The following CSMD1 variants were observed in gnomAD, a reference collection of about 807,000 sequenced individuals.
CSMD1 encodes the protein CUB and Sushi multiple domains 1.
Under a neutral mutation model 417.5 loss-of-function variants are expected in CSMD1, and 213 were observed. The ratio of observed to expected loss-of-function variants is 0.51; its 90% CI spans 0.46 to 0.57. CSMD1 has a LOEUF of 0.57. Among genes scored for constraint, CSMD1 ranks in the 20% least tolerant of loss-of-function variants. The probability of loss-of-function intolerance (pLI) is 0.00; values close to 1 mark genes in which losing one functional copy is unlikely to be tolerated. For missense variants in CSMD1, 6,923 were observed against 4,529.7 expected (o/e 1.53, Z -15.17); for synonymous variants, 2,862 against 1,736.8 (o/e 1.65, Z -16.11).
At chr8:3,632,455 A>G (rs779782876) in intron 7 of CSMD1, among the ~76,000 whole-genome samples, 7 of 152,126 alleles carry the variant, frequency 4.6e-5, no homozygotes, top group Non-Finnish European at 8.8e-5. Flanking sequence ...AAAAACACCA[A>G]AAGTGCCTAC....
intron 7 of CSMD1, among the ~76,000 whole-genome samples, chr8:3,687,047 T>C (rs1799977423): frequency 6.6e-6 from 1 of 152,102 alleles, no homozygotes; most frequent in Non-Finnish European, 1.5e-5. Flanking sequence ...TGTAAAAAAA[T>C]TATGAGGATG....
At chr8:3,428,509 G>T (rs537586510) in intron 12 of CSMD1, among the ~76,000 whole-genome samples, 1 of 151,854 alleles carries the variant, frequency 6.6e-6, no homozygotes, top group Admixed American at 6.6e-5. Flanking sequence ...AAAATGATGG[G>T]GAAAAAAAAG....
chr8:3,579,661 C>G (rs1326499216), intron 9 of CSMD1, among the ~76,000 whole-genome samples: 2 of 152,140 alleles, frequency 1.3e-5, no homozygotes, highest in Non-Finnish European at 1.5e-5. Flanking sequence ...TGGTTCCAGG[C>G]CTGGCTTAGG....
chr8:3,490,719 T>G (rs1299214990), intron 11 of CSMD1, among the ~76,000 whole-genome samples: 1 of 152,138 alleles, frequency 6.6e-6, no homozygotes. Flanking sequence ...ATCTTTGACT[T>G]GCAGGCCCCT....
At chr8:4,173,895 T>C (rs1797898809) in intron 3 of CSMD1, among the ~76,000 whole-genome samples, 1 of 152,160 alleles carries the variant, frequency 6.6e-6, no homozygotes, top group African/African-American at 2.4e-5. Flanking sequence ...GCTGAAGTTC[T>C]GGGCTCAGTA....
chr8:3,642,811 C>A (rs1230904077), intron 7 of CSMD1, among the ~76,000 whole-genome samples: 1 of 151,550 alleles, frequency 6.6e-6, no homozygotes, highest in African/African-American at 2.4e-5. Flanking sequence ...AGTAGAACCC[C>A]CAGAGATGAA....
intron 10 of CSMD1, among the ~76,000 whole-genome samples, chr8:3,501,474 G>C (rs1796598009): frequency 6.6e-6 from 1 of 152,140 alleles, no homozygotes; most frequent in Non-Finnish European, 1.5e-5. Flanking sequence ...ATTTAGAACT[G>C]ACAGCACAAT....
intron 2 of CSMD1, among the ~76,000 whole-genome samples, chr8:4,514,455 T>C (rs1178273351): frequency 6.6e-6 from 1 of 152,298 alleles, no homozygotes; most frequent in East Asian, 1.9e-4. Flanking sequence ...ATATGCATTT[T>C]TAAGTAGCAT....
At chr8:4,271,497 G>A (rs978411703) in intron 3 of CSMD1, among the ~76,000 whole-genome samples, 2 of 151,596 alleles carry the variant, frequency 1.3e-5, no homozygotes, top group African/African-American at 2.4e-5. Context: ...AGAAAAAACT[G>A]CATCAAAATC....
intron 25 of CSMD1, among the ~76,000 whole-genome samples, chr8:3,297,231 T>C (rs879617133): frequency 6.6e-6 from 1 of 152,194 alleles, no homozygotes; most frequent in Non-Finnish European, 1.5e-5. Flanking sequence ...TTCAGTATTA[T>C]AAAAGATGTC....
chr8:4,323,609 G>A (rs1197598973), intron 3 of CSMD1, among the ~76,000 whole-genome samples: 2 of 152,140 alleles, frequency 1.3e-5, no homozygotes, highest in Admixed American at 6.5e-5. Flanking sequence ...AAAGTCAACA[G>A]TGCGACAGAA....
intron 3 of CSMD1, 106 bp downstream of exon 3, chr8:4,419,847 A>T: frequency 1.3e-6 from 1 of 765,728 alleles, no homozygotes; most frequent in Non-Finnish European, 2.2e-6. Context: ...TACACCACGG[A>T]ACGACCTGCG....
chr8:4,494,144 A>C (rs984772672), intron 2 of CSMD1, among the ~76,000 whole-genome samples: 1 of 152,224 alleles, frequency 6.6e-6, no homozygotes, highest in Non-Finnish European at 1.5e-5. Context: ...AACTGGGGTA[A>C]GATATTGTTG....
chr8:4,450,090 C>CTGCTCAAT (rs1227804862), intron 2 of CSMD1, among the ~76,000 whole-genome samples: 3 of 152,182 alleles, frequency 2.0e-5, no homozygotes, highest in African/African-American at 7.2e-5. Flanking sequence ...TGTCTCACTT[C>CTGCTCAAT]TGCTCAATTT....
intron 5 of CSMD1, among the ~76,000 whole-genome samples, chr8:3,979,833 G>C (rs1056028522): frequency 6.6e-6 from 1 of 152,158 alleles, no homozygotes; most frequent in Non-Finnish European, 1.5e-5. Context: ...AGAAAATGTA[G>C]AGAAGTGTCT....
chr8:4,031,875 C>A (rs371423284), intron 4 of CSMD1, 30 bp downstream of exon 4: 4 of 1,564,080 alleles, frequency 2.6e-6, no homozygotes, highest in South Asian at 1.2e-5. Flanking sequence ...GCCCTGGAGT[C>A]TGCTCACCAG....
At chr8:3,032,408 T>G (rs1197674413) in intron 50 of CSMD1, among the ~76,000 whole-genome samples, 1 of 151,992 alleles carries the variant, frequency 6.6e-6, no homozygotes, top group Non-Finnish European at 1.5e-5. Context: ...ACCCCTGCGT[T>G]CATACAAAAA....
At chr8:3,042,331 T>A (rs766389161) in intron 50 of CSMD1, among the ~76,000 whole-genome samples, 15 of 152,144 alleles carry the variant, frequency 9.9e-5, no homozygotes, top group Non-Finnish European at 1.9e-4. Context: ...GAATTATTTC[T>A]TCCAAGCAGG....
intron 41 of CSMD1, among the ~76,000 whole-genome samples, chr8:3,136,254 CTTTTTTTTTTT>C (rs1158324400): frequency 7.7e-6 from 1 of 129,568 alleles, no homozygotes; most frequent in African/African-American, 2.9e-5. Context: ...TTTTTTTTTT[CTTTTTTTTTTT>C]TTGCCCCCCG....
Sources: allele counts gnomAD v4.1 joint callset (sites outside exome capture counted in the v4.1 genomes callset), GRCh38; gene constraint gnomAD v4.1.1; transcripts MANE v1.5; gene names NCBI Gene and HGNC (gene_info 2026-07-23, HGNC 2026-07-21).